Variants in DMTN observed in about 807,000 individuals in gnomAD.
DMTN encodes the protein dematin actin binding protein.
DMTN carries 27 observed loss-of-function variants against 59.4 expected under a neutral mutation model. The ratio of observed to expected loss-of-function variants is 0.45; its 90% CI spans 0.33 to 0.63. The LOEUF (loss-of-function observed/expected upper bound fraction) is 0.63. DMTN is among the 20% of genes least tolerant of loss of function. The pLI, the probability that DMTN is intolerant of heterozygous loss-of-function variation, is 0.02. For missense variants in DMTN, 451 were observed against 528.9 expected, an observed-to-expected ratio of 0.85 and a Z score of 1.45; for synonymous variants, 221 against 203.7, an observed-to-expected ratio of 1.08 and a Z score of -0.72.
At chr8:22,078,858 G>A (rs984771383) in intron 10 of DMTN, among the ~76,000 whole-genome samples, 2 of 140,846 alleles carry the variant, frequency 1.4e-5, no homozygotes, top group African/African-American at 5.3e-5. Context: ...GTGCAGTGGC[G>A]TGATCTCCGC....
intron 1 of DMTN, among the ~76,000 whole-genome samples, chr8:22,062,581 A>T (rs2130670140): frequency 6.6e-6 from 1 of 152,162 alleles, no homozygotes; most frequent in African/African-American, 2.4e-5. Context: ...CCTTAGGCCA[A>T]TCTTATCTCC....
intron 9 of DMTN, 44 bp downstream of exon 9, chr8:22,072,494 T>A (rs1168033774): frequency 3.9e-6 from 6 of 1,522,340 alleles, no homozygotes; most frequent in Non-Finnish European, 5.3e-6. Context: ...TGCAGGAGTC[T>A]CGCTCTGTTG....
intron 1 of DMTN, among the ~76,000 whole-genome samples, chr8:22,062,291 T>G (rs1394592527): frequency 1.3e-5 from 2 of 151,784 alleles, no homozygotes; most frequent in Non-Finnish European, 1.5e-5. Context: ...AGAGATAGGG[T>G]CTCTCTATGT....
At chr8:22,065,234 A>T (rs1028879473) in intron 1 of DMTN, among the ~76,000 whole-genome samples, 1 of 152,000 alleles carries the variant, frequency 6.6e-6, no homozygotes, top group Non-Finnish European at 1.5e-5. Context: ...AGGTCTCCCT[A>T]TGTTGCCCGG....
Position 22,060,431 on chromosome 8 carries a change from T to C in DMTN, c.-172+3295T>C, listed in dbSNP as rs75930484. On this transcript the variant is annotated intron_variant, in intron 1 of 15. Coordinates refer to ENST00000358242, the MANE Select transcript of DMTN (RefSeq NM_001387751.1). The surrounding 1 kb of genome is among the most constrained non-coding windows in gnomAD (Gnocchi z 5.0). ...CTGTCTCGCTCTCTCTCTCTCTCTC[T>C]CCCCCTCACACATGCGCACGCACAC... Among the ~76,000 whole-genome samples the C allele has an allele frequency of 1.3e-5, 2 of 151,216 alleles. No individual in the cohort carries two copies. The highest frequency in any genetic ancestry group is 2.4e-5 in the African/African-American group (1 of 40,908).
At chr8:22,066,616 A>C in intron 1 of DMTN, 89 bp from the exon 2 acceptor site, 1 of 334,408 alleles carries the variant, frequency 3.0e-6, no homozygotes, top group Non-Finnish European at 5.4e-6. Flanking sequence ...CTCAGCCGCA[A>C]GGGGCCCGGC....
At chr8:22,064,498 G>A (rs1388568080) in intron 1 of DMTN, among the ~76,000 whole-genome samples, 2 of 151,732 alleles carry the variant, frequency 1.3e-5, no homozygotes, top group East Asian at 1.9e-4. Context: ...TCGCTCTGTC[G>A]CCCAGGCTGG....
intron 10 of DMTN, 44 bp from the exon 11 acceptor site, chr8:22,080,136 C>G: frequency 6.2e-7 from 1 of 1,611,742 alleles, no homozygotes; most frequent in Non-Finnish European, 8.5e-7. Flanking sequence ...GAAGGGCTGT[C>G]AGGGCCAAAG....
In DMTN at chr8:22,066,224, G is replaced by A. The variant is rs927936057; in HGVS notation, c.-171-481G>A. ...TGACGTGTGGAATTTCCACCTGTGCGTCATGGTAGGCACTCACAAAGTTTC... is the reference window on the plus strand; with the variant it reads ...TGACGTGTGGAATTTCCACCTGTGCATCATGGTAGGCACTCACAAAGTTTC... On this transcript the variant is annotated intron_variant, in intron 1 of 15. Coordinates refer to ENST00000358242, the MANE Select transcript of DMTN (RefSeq NM_001387751.1). Among the ~76,000 whole-genome samples, 6 of 152,320 alleles carry A rather than the reference G, an allele frequency of 3.9e-5. No individual in the cohort carries two copies. In the South Asian group the frequency reaches 1.2e-3, roughly 32 times the overall value.
chr8:22,080,415 C>A lies in DMTN; in HGVS notation c.904C>A (p.Gln302Lys), dbSNP rs150557038. 1.1e-4 allele frequency: 173 copies of A among 1,614,276 alleles called. 1 individual carries two copies. The East Asian group carries it at 3.7e-3, about 34-fold the overall frequency. The change falls in exon 12 of 16, where the codon CAG becomes AAG. Residue 302 changes from glutamine to lysine, a missense_variant. Physicochemically the swap from Gln to Lys is moderately conservative, Grantham distance 53. Coordinates refer to ENST00000358242, the MANE Select transcript of DMTN (RefSeq NM_001387751.1). The part of the protein sequence containing the change: ...AYGRTTLSRL[Q>K]STEFSPSGSE... ...GATTCCTTTGTGTCCTTTCTAGCTA[C>A]AGTCCACAGAGTTCAGCCCATCAGG...
intron 4 of DMTN, among the ~76,000 whole-genome samples, 170 bp downstream of exon 4, chr8:22,067,852 G>A (rs1223480864): frequency 6.6e-6 from 1 of 152,246 alleles, no homozygotes. Context: ...CAAGAGAGCA[G>A]GCAGAACGGT....
chr8:22,062,947 T>C (rs567506913), intron 1 of DMTN, among the ~76,000 whole-genome samples: 381 of 152,258 alleles, frequency 2.5e-3, no homozygotes, highest in African/African-American at 8.9e-3. Flanking sequence ...GACTGTGCCA[T>C]CTCTGGCTAT....
chr8:22,077,476 T>C (rs1820711707), intron 10 of DMTN, among the ~76,000 whole-genome samples: 1 of 152,142 alleles, frequency 6.6e-6, no homozygotes, highest in African/African-American at 2.4e-5. Flanking sequence ...GCTCTCAGGA[T>C]GCTGTCTCTG....
At chr8:22,080,557 C>T in intron 12 of DMTN, 61 bp from the exon 13 acceptor site, 4 of 1,613,542 alleles carry the variant, frequency 2.5e-6, no homozygotes. Context: ...CTGGTGAGGT[C>T]AGGCGTGTTG....
At position 22,080,866 on chromosome 8, in the gene DMTN, A is replaced by G; in HGVS notation, c.1019A>G (p.Gln340Arg). ...AACTCCCTGCCCTGTGTGCTGGAGC[A>G]GAAGGTGAGGGGCAGGGGACACAAG... is the stretch of plus-strand genomic sequence containing the variant. ...RGNSLPCVLE[Q>R]KIYPYEMLVV... is the part of the protein sequence containing the mutation. Residue 340 changes from glutamine to arginine, a missense_variant, in exon 14 of 16, where the codon CAG becomes CGG. Physicochemically the swap from Gln to Arg is conservative, Grantham distance 43. Transcript: ENST00000358242. The G allele has an allele frequency of 6.4e-7, 1 of 1,572,478 alleles. No homozygotes were observed. The highest frequency in any genetic ancestry group is 8.6e-7 in the Non-Finnish European group (1 of 1,156,776).
intron 2 of DMTN, 33 bp from the exon 3 acceptor site, chr8:22,067,052 G>C: frequency 2.2e-6 from 3 of 1,350,870 alleles, no homozygotes; most frequent in Non-Finnish European, 3.0e-6. Flanking sequence ...ACACACGCAC[G>C]TGCCCACCCG....
chr8:22,080,271 A>T, intron 11 of DMTN, 27 bp downstream of exon 11: 1 of 1,614,152 alleles, frequency 6.2e-7, no homozygotes, highest in Non-Finnish European at 8.5e-7. Flanking sequence ...AGAGATATAG[A>T]CTACGTGGGA....
chr8:22,072,356 G>A lies in DMTN; in HGVS notation c.635G>A (p.Arg212Gln), dbSNP rs149330702. 6.9e-6 allele frequency: 11 copies of A among 1,604,304 alleles called. No individual in the cohort carries two copies. The highest frequency in any genetic ancestry group is 3.4e-5 in the Admixed American group (2 of 58,908). ...ETEWRKRKAS[R>Q]RGAEEEEEEE... ...GAATGGAGGAAGCGGAAGGCGTCTC[G>A]GAGGGGAGCAGAGGAAGAGGAGGAG... The change falls in exon 9 of 16, where the codon CGG becomes CAG. Residue 212 changes from arginine (R) to glutamine (Q), a missense_variant. Arg to Gln is a conservative substitution (Grantham distance 43). Coordinates refer to ENST00000358242, the MANE Select transcript of DMTN (RefSeq NM_001387751.1).
chr8:22,051,622 T>C (rs78292466), upstream of DMTN, among the ~76,000 whole-genome samples: 3,613 of 151,902 alleles, frequency 0.024, 133 homozygotes, highest in African/African-American at 0.082. Flanking sequence ...CACCCAAGAT[T>C]CCCTCCCGCT....
Sources: allele counts gnomAD v4.1 joint callset (sites outside exome capture counted in the v4.1 genomes callset), GRCh38; gene constraint gnomAD v4.1.1; non-coding constraint Gnocchi (gnomAD v3.1); transcripts MANE v1.5; gene names NCBI Gene and HGNC (gene_info 2026-07-23, HGNC 2026-07-21).